Variants in AOPEP observed in about 807,000 individuals in gnomAD.
The protein encoded by AOPEP is aminopeptidase O (putative), also known as aminopeptidase O.
In AOPEP, 77 loss-of-function variants were observed where a neutral mutation model predicts 98.1. That is an observed-to-expected ratio of 0.78 (90% CI 0.65 to 0.95). AOPEP has a LOEUF of 0.95. Among genes scored for constraint, AOPEP ranks in the 40% least tolerant of loss-of-function variants. The pLI is 0.00. For synonymous variants in AOPEP, 346 were observed against 365.3 expected (o/e 0.95, Z 0.60); for missense variants, 1,024 against 1,024.7 (o/e 1.00, Z 0.01).
At chr9:94,902,555 G>T (rs1385384333) in intron 5 of AOPEP, among the ~76,000 whole-genome samples, 2 of 152,140 alleles carry the variant, frequency 1.3e-5, no homozygotes, top group African/African-American at 2.4e-5. Flanking sequence ...CAAGACATTA[G>T]TACTAGTGAT....
chr9:95,066,649 G>A lies in AOPEP; in HGVS notation c.2232+5839G>A, dbSNP rs1018372300. On this transcript the variant is annotated intron_variant, in intron 14 of 16. Coordinates refer to ENST00000375315, the MANE Select transcript of AOPEP (RefSeq NM_001193329.3). ...GTTCAGCAGTGGGCCCACTGTTACC[G>A]ACCTCTGAAGATGTGAGGGCCTCTG... is the stretch of plus-strand genomic sequence containing the variant. Among the ~76,000 whole-genome samples, 4 of 152,218 alleles carry A rather than the reference G, an allele frequency of 2.6e-5. No individual in the cohort carries two copies. The East Asian group carries it at 5.8e-4, about 22-fold the overall frequency.
At chr9:94,811,542 C>T (rs1850587409) in intron 5 of AOPEP, among the ~76,000 whole-genome samples, 3 of 152,236 alleles carry the variant, frequency 2.0e-5, no homozygotes, top group Admixed American at 2.0e-4. Flanking sequence ...CTGCCCCCCA[C>T]CACCACTTTG....
chr9:94,924,291 C>A, intron 6 of AOPEP, 116 bp downstream of exon 6: 2 of 781,654 alleles, frequency 2.6e-6, no homozygotes, highest in South Asian at 5.0e-5. Flanking sequence ...ACAAATTTTG[C>A]TGGGGAGATG....
At chr9:94,775,321 A>G (rs1564110927) in intron 3 of AOPEP, among the ~76,000 whole-genome samples, 1 of 151,310 alleles carries the variant, frequency 6.6e-6, no homozygotes, top group Non-Finnish European at 1.5e-5. Flanking sequence ...TGATGTCTTT[A>G]TCATAAGCTA....
In AOPEP at chr9:94,862,127, C is replaced by T. The variant is rs186818936; in HGVS notation, c.1364+61125C>T. On this transcript the variant is annotated intron_variant, in intron 5 of 16. Transcript: ENST00000375315. ...TCACAACATAGGAAGCAGAGCACAC[C>T]ACCTCTACCTAACAGTTTAACTTGA... Among the ~76,000 whole-genome samples, 50 of 152,244 alleles carry T rather than the reference C, an allele frequency of 3.3e-4. 1 individual carries two copies. Among genetic ancestry groups the T allele is most frequent in the Admixed American group, 2.8e-3 (43 of 15,284 alleles).
At chr9:94,933,719 AG>A in intron 7 of AOPEP, 1 of 947,454 alleles carries the variant, frequency 1.1e-6, no homozygotes, top group Non-Finnish European at 1.3e-6. Flanking sequence ...CACTTAAAAT[AG>A]GAAGCCTTTT....
chr9:94,996,391 T>TGTGA lies in AOPEP; in HGVS notation c.1978-8766_1978-8765insTGAG, dbSNP rs375605056. Among the ~76,000 whole-genome samples, 1,187 of 144,576 alleles carry TGTGA rather than the reference T, an allele frequency of 8.2e-3. 9 individuals carry two copies. The highest frequency in any genetic ancestry group is 0.031 in the South Asian group (135 of 4,304). The allele number at this position is 144,576 out of a possible 152,430, so 94.8% of individuals were successfully genotyped here. On this transcript the variant is annotated intron_variant, in intron 11 of 16. Transcript: ENST00000375315. Reference sequence around the variant, plus strand: ...GTGTGTGTGTGTGTGTGTGTGTGTGTGAGAGAGAGATTTTACTTCTTCATC... The same window carrying TGTGA: ...GTGTGTGTGTGTGTGTGTGTGTGTGTGTGAGAGAGAGAGATTTTACTTCTTCATC...
intron 9 of AOPEP, among the ~76,000 whole-genome samples, chr9:94,957,196 T>C: frequency 6.6e-6 from 1 of 152,144 alleles, no homozygotes; most frequent in South Asian, 2.1e-4. Flanking sequence ...CTTCGTTTGC[T>C]TCTCTCTTTT....
At chr9:94,830,101 C>T (rs142123743) in intron 5 of AOPEP, among the ~76,000 whole-genome samples, 4,680 of 152,170 alleles carry the variant, frequency 0.031, 246 homozygotes, top group African/African-American at 0.11. Context: ...CATAGGTAAA[C>T]GTGTGCCATG....
chr9:95,120,132 G>A, the AOPEP span, among the ~76,000 whole-genome samples: 1 of 152,190 alleles, frequency 6.6e-6, no homozygotes, highest in South Asian at 2.1e-4. Context: ...CTCTCTAGGG[G>A]CTTTATCTTT....
chr9:94,855,353 C>T (rs2044051096), intron 5 of AOPEP, among the ~76,000 whole-genome samples: 1 of 152,002 alleles, frequency 6.6e-6, no homozygotes, highest in African/African-American at 2.4e-5. Flanking sequence ...GCTGGGATTA[C>T]AAGTGTGAGC....
intron 1 of AOPEP, among the ~76,000 whole-genome samples, chr9:94,728,238 T>TGCGCGCGCGCGC (rs756011414): frequency 1.2e-4 from 10 of 80,912 alleles, no homozygotes; most frequent in Admixed American, 4.4e-4. Flanking sequence ...CGTGCGCGCA[T>TGCGCGCGCGCGC]GCACACACAC....
chr9:94,835,325 TTTTGC>T (rs2041457995), intron 5 of AOPEP, among the ~76,000 whole-genome samples: 1 of 152,090 alleles, frequency 6.6e-6, no homozygotes, highest in Non-Finnish European at 1.5e-5. Context: ...GTGGTCAAGG[TTTTGC>T]TTTGGCTCAT....
downstream of AOPEP, among the ~76,000 whole-genome samples, chr9:95,091,950 G>T (rs969400928): frequency 1.3e-5 from 2 of 152,144 alleles, no homozygotes; most frequent in African/African-American, 4.8e-5. Context: ...GGGGGTTGAT[G>T]CCCCGTGGTT....
intron 1 of AOPEP, among the ~76,000 whole-genome samples, chr9:94,749,918 A>AGTT (rs10680988): frequency 0.22 from 32,994 of 151,868 alleles, 5,017 homozygotes; most frequent in African/African-American, 0.43. Context: ...TATGTCTAGT[A>AGTT]TTATGTTTTA....
chr9:94,928,041 G>A (rs377402471), intron 6 of AOPEP, among the ~76,000 whole-genome samples: 85 of 152,310 alleles, frequency 5.6e-4, no homozygotes, highest in African/African-American at 1.9e-3. Context: ...GGGGAAAATC[G>A]GAGGTGAACG....
chr9:95,061,693 A>G (rs1294064582), intron 14 of AOPEP, among the ~76,000 whole-genome samples: 1 of 152,238 alleles, frequency 6.6e-6, no homozygotes, highest in African/African-American at 2.4e-5. Flanking sequence ...AATGAATTTT[A>G]TAATCATTAA....
chr9:94,966,561 A>G (rs1473831435), intron 9 of AOPEP, among the ~76,000 whole-genome samples: 1 of 152,258 alleles, frequency 6.6e-6, no homozygotes, highest in Non-Finnish European at 1.5e-5. Flanking sequence ...ACTCATTATC[A>G]TCAAGTTCCA....
intron 5 of AOPEP, among the ~76,000 whole-genome samples, chr9:94,906,486 A>ATAATAATAATAATAATAAT (rs1564358999): frequency 5.3e-5 from 8 of 149,870 alleles, no homozygotes; most frequent in South Asian, 2.1e-4. Flanking sequence ...TAATAATAAA[A>ATAATAATAATAATAATAAT]AAACAGACCC....
Sources: allele counts gnomAD v4.1 joint callset (sites outside exome capture counted in the v4.1 genomes callset), GRCh38; gene constraint gnomAD v4.1.1; transcripts MANE v1.5; gene names NCBI Gene and HGNC (gene_info 2026-07-23, HGNC 2026-07-21).